The following ARB2A variants were observed in gnomAD, a reference collection of about 807,000 sequenced individuals.
ARB2A encodes cotranscriptional regulator ARB2A.
the ARB2A span, among the ~76,000 whole-genome samples, chr5:93,921,607 A>G: frequency 2.0e-5 from 3 of 152,172 alleles, no homozygotes; most frequent in African/African-American, 7.2e-5. Flanking sequence ...AAATGCCACA[A>G]AAGACATTTA....
At chr5:93,690,362 G>A in the ARB2A span, among the ~76,000 whole-genome samples, 1 of 152,168 alleles carries the variant, frequency 6.6e-6, no homozygotes, top group Non-Finnish European at 1.5e-5. Context: ...CTCCAGCTTG[G>A]TGGGGGGAAG....
chr5:93,871,817 T>C, the ARB2A span, among the ~76,000 whole-genome samples: 2 of 151,966 alleles, frequency 1.3e-5, no homozygotes, highest in Non-Finnish European at 2.9e-5. Context: ...ATATAACCCA[T>C]ATAAACAAAA....
At chr5:93,620,702 CGCCGGCCGAGCCAG>C in the ARB2A span, 2 of 296,906 alleles carry the variant, frequency 6.7e-6, no homozygotes, top group Non-Finnish European at 1.2e-5. Flanking sequence ...ATTAGAGCTT[CGCCGGCCGAGCCAG>C]GCAGGGCGCT....
At chr5:93,834,252 C>T in the ARB2A span, among the ~76,000 whole-genome samples, 1 of 152,138 alleles carries the variant, frequency 6.6e-6, no homozygotes, top group South Asian at 2.1e-4. Context: ...GCACATGTAG[C>T]ACCTAGTGTG....
chr5:93,836,261 T>G, the ARB2A span, among the ~76,000 whole-genome samples: 1 of 152,094 alleles, frequency 6.6e-6, no homozygotes, highest in Non-Finnish European at 1.5e-5. Flanking sequence ...TCTCCTGACC[T>G]CATGATCCGC....
chr5:93,831,482 C>G, the ARB2A span, among the ~76,000 whole-genome samples: 1 of 152,116 alleles, frequency 6.6e-6, no homozygotes, highest in Admixed American at 6.6e-5. Flanking sequence ...CTAGACAAAA[C>G]TCAGTCATGC....
At chr5:93,932,588 T>C in the ARB2A span, among the ~76,000 whole-genome samples, 16 of 152,224 alleles carry the variant, frequency 1.1e-4, no homozygotes, top group Non-Finnish European at 2.4e-4. Flanking sequence ...AATATATTTA[T>C]ACTAATAAAG....
chr5:93,911,566 G>C, the ARB2A span, among the ~76,000 whole-genome samples: 1 of 151,472 alleles, frequency 6.6e-6, no homozygotes, highest in African/African-American at 2.4e-5. Flanking sequence ...CTAGCAAGTA[G>C]ATGAGACAAA....
the ARB2A span, among the ~76,000 whole-genome samples, chr5:93,622,185 A>T: frequency 6.6e-6 from 1 of 152,226 alleles, no homozygotes; most frequent in Non-Finnish European, 1.5e-5. Context: ...TTTAAAATTA[A>T]AAATTAAAAT....
chr5:93,987,949 T>C, the ARB2A span, among the ~76,000 whole-genome samples: 1 of 152,230 alleles, frequency 6.6e-6, no homozygotes. Flanking sequence ...CGTTCTAAGC[T>C]GTTCCTCCTC....
At chr5:93,737,525 G>T in the ARB2A span, 1 of 153,180 alleles carries the variant, frequency 6.5e-6, no homozygotes, top group Non-Finnish European at 1.4e-5. Context: ...ATATATATAC[G>T]TGCCATATAT....
At chr5:94,042,930 T>C in the ARB2A span, among the ~76,000 whole-genome samples, 5 of 152,200 alleles carry the variant, frequency 3.3e-5, no homozygotes, top group African/African-American at 1.2e-4. Flanking sequence ...GTAATAATTA[T>C]AATTGTTACA....
chr5:94,054,087 G>A, the ARB2A span, among the ~76,000 whole-genome samples: 1 of 152,132 alleles, frequency 6.6e-6, no homozygotes, highest in African/African-American at 2.4e-5. Context: ...AGTAATTTTA[G>A]ATTGATGGAA....
the ARB2A span, among the ~76,000 whole-genome samples, chr5:93,830,329 A>ATATG: frequency 7.3e-6 from 1 of 137,422 alleles, no homozygotes; most frequent in Non-Finnish European, 1.6e-5. Flanking sequence ...ATATATATAT[A>ATATG]TATATATATA....
At chr5:93,999,226 CAG>C in the ARB2A span, among the ~76,000 whole-genome samples, 1 of 151,436 alleles carries the variant, frequency 6.6e-6, no homozygotes, top group Admixed American at 6.6e-5. Context: ...ATTATACCTT[CAG>C]AGAGAATCCA....
chr5:93,741,654 A>C, the ARB2A span: 2 of 1,397,776 alleles, frequency 1.4e-6, no homozygotes, highest in East Asian at 5.0e-5. Context: ...CCCGCCCCCC[A>C]GTGGGCGGAG....
At chr5:93,647,587 G>A in the ARB2A span, among the ~76,000 whole-genome samples, 1 of 152,016 alleles carries the variant, frequency 6.6e-6, no homozygotes, top group Non-Finnish European at 1.5e-5. Context: ...CCCAGAGCAC[G>A]ATCTCAGCCC....
the ARB2A span, among the ~76,000 whole-genome samples, chr5:94,066,927 T>C: frequency 5.3e-5 from 8 of 152,064 alleles, no homozygotes; most frequent in Admixed American, 3.9e-4. Context: ...CAAACATAGG[T>C]GTAAAATTAC....
chr5:93,812,016 C>G, the ARB2A span, among the ~76,000 whole-genome samples: 2 of 152,078 alleles, frequency 1.3e-5, no homozygotes, highest in Non-Finnish European at 2.9e-5. Flanking sequence ...TGAGGCAGAA[C>G]TCTTAACACA....
Sources: gnomAD v4.1 joint callset for allele counts (sites outside exome capture counted in the v4.1 genomes callset) on GRCh38, gnomAD v4.1.1 for gene constraint, MANE v1.5 for transcripts, NCBI Gene and HGNC (gene_info 2026-07-23, HGNC 2026-07-21) for gene names.